Variants in SRSF11 observed in about 807,000 individuals in gnomAD.
The protein encoded by SRSF11 is serine/arginine-rich splicing factor 11.
Under a neutral mutation model 56.0 loss-of-function variants are expected in SRSF11, and 9 were observed. That is an observed-to-expected ratio of 0.16 (90% confidence interval 0.10 to 0.28). The LOEUF (loss-of-function observed/expected upper bound fraction) is 0.28. Among genes scored for constraint, SRSF11 ranks in the 10% least tolerant of loss-of-function variants. The probability of loss-of-function intolerance (pLI) is 1.00; values close to 1 mark genes in which losing one functional copy is unlikely to be tolerated. For synonymous variants in SRSF11, 222 were observed against 215.3 expected (o/e 1.03, Z -0.27); for missense variants, 421 against 600.7 (o/e 0.70, Z 3.13).
At chr1:70,205,833 GTTACTGC>G in intron 1 of SRSF11, 1 of 284,712 alleles carries the variant, frequency 3.5e-6, no homozygotes, top group East Asian at 6.0e-5. Flanking sequence ...TGTTTGCACT[GTTACTGC>G]GACTCCAACC....
upstream of SRSF11, among the ~76,000 whole-genome samples, chr1:70,217,221 C>CA (rs1670090721): frequency 6.6e-6 from 1 of 151,926 alleles, no homozygotes; most frequent in African/African-American, 2.4e-5. Flanking sequence ...TGCAGTGGTG[C>CA]AATCTCAGCT....
chr1:70,235,241 TAGACTGTTC>T, intron 4 of SRSF11, among the ~76,000 whole-genome samples: 1 of 152,312 alleles, frequency 6.6e-6, no homozygotes, highest in East Asian at 1.9e-4. Context: ...CTATAATACC[TAGACTGTTC>T]AGCCTCATAA....
At chr1:70,205,758 C>A (rs978411847) in exon 1 of SRSF11, 1 of 464,410 alleles carries the variant, frequency 2.2e-6, no homozygotes, top group African/African-American at 1.9e-5. Context: ...GCCGGCCTAG[C>A]GTCCTGGAAT....
At chr1:70,245,022 C>T (rs576157396) in intron 8 of SRSF11, among the ~76,000 whole-genome samples, 3 of 152,270 alleles carry the variant, frequency 2.0e-5, no homozygotes, top group Admixed American at 6.5e-5. Context: ...AGCTGAGGGC[C>T]TAAGTAAAAT....
chr1:70,230,915 T>A, intron 2 of SRSF11: 1 of 1,193,284 alleles, frequency 8.4e-7, no homozygotes, highest in East Asian at 5.8e-5. Flanking sequence ...CTAAATGATC[T>A]TCTCCCCCTT....
intron 1 of SRSF11, among the ~76,000 whole-genome samples, chr1:70,225,809 A>T (rs894201583): frequency 7.9e-5 from 12 of 152,162 alleles, no homozygotes; most frequent in African/African-American, 2.7e-4. Flanking sequence ...ACTTTATATT[A>T]ATTCTAAAGA....
At chr1:70,245,480 A>G (rs142670887) in intron 8 of SRSF11, among the ~76,000 whole-genome samples, 44 of 152,342 alleles carry the variant, frequency 2.9e-4, no homozygotes, top group Admixed American at 7.8e-4. Flanking sequence ...AGTGAATCAA[A>G]CAAGGTAGAT....
intron 3 of SRSF11, among the ~76,000 whole-genome samples, chr1:70,233,754 G>A (rs1018925032): frequency 1.3e-5 from 2 of 152,194 alleles, no homozygotes; most frequent in African/African-American, 4.8e-5. Context: ...AAAAGCTACA[G>A]ATGGTTTTAA....
chr1:70,227,456 T>C (rs1017973340), intron 1 of SRSF11, among the ~76,000 whole-genome samples: 1 of 152,138 alleles, frequency 6.6e-6, no homozygotes, highest in African/African-American at 2.4e-5. Flanking sequence ...TTGATTTAAT[T>C]CATGTGAAGA....
intron 1 of SRSF11, among the ~76,000 whole-genome samples, chr1:70,211,784 G>T (rs1438753266): frequency 6.6e-6 from 1 of 151,964 alleles, no homozygotes; most frequent in Non-Finnish European, 1.5e-5. Context: ...TAAATACTTG[G>T]TACCTATGAT....
At chr1:70,242,492 CAG>C (rs1675698211) in intron 7 of SRSF11, among the ~76,000 whole-genome samples, 1 of 103,568 alleles carries the variant, frequency 9.7e-6, no homozygotes, top group South Asian at 4.8e-4. Flanking sequence ...TATGTAGAGA[CAG>C]GGTTTTGCCA....
intron 1 of SRSF11, among the ~76,000 whole-genome samples, chr1:70,225,730 G>A (rs368706293): frequency 3.3e-5 from 5 of 152,028 alleles, no homozygotes; most frequent in South Asian, 4.2e-4. Context: ...CTACACCACC[G>A]CTCTTAGTTG....
At chr1:70,232,485 C>A in intron 3 of SRSF11, 108 bp downstream of exon 3, 2 of 759,308 alleles carry the variant, frequency 2.6e-6, no homozygotes, top group Non-Finnish European at 2.2e-6. Context: ...GTTCAGATAG[C>A]ATTATCACAT....
Position 70,250,774 on chromosome 1 carries a change from A to G in SRSF11, c.1424A>G (p.His475Arg), listed in dbSNP as rs764780935. 1.2e-5 allele frequency: 19 copies of G among 1,613,940 alleles called. No homozygotes were observed. The highest frequency in any genetic ancestry group is 5.3e-5 in the African/African-American group (4 of 74,932). Residue 475 changes from histidine (H) to arginine (R), a missense_variant, in exon 12 of 12, where the codon CAT (histidine) becomes CGT (arginine). His to Arg is a conservative substitution (Grantham distance 29, BLOSUM62 0). Around this residue, in one of 2 missense-constraint regions of SRSF11, gnomAD observed 253 missense variants for 305.8 expected, o/e 0.83. Transcript: ENST00000370949. ...GAATCCAAAGTGAATGGGGATGATC[A>G]TCATGAAGAAGACATGGATATGAGT... ...LRESKVNGDD[H>R]HEEDMDMSD is the part of the protein sequence containing the mutation.
chr1:70,246,477 T>C (rs992801452), intron 8 of SRSF11, among the ~76,000 whole-genome samples: 2 of 151,958 alleles, frequency 1.3e-5, no homozygotes, highest in African/African-American at 4.8e-5. Context: ...GTTGGGAAAG[T>C]GGTAATCAGC....
intron 2 of SRSF11, chr1:70,230,537 A>T: frequency 8.0e-7 from 1 of 1,256,740 alleles, no homozygotes; most frequent in African/African-American, 1.6e-5. Flanking sequence ...TTTTTCTTTC[A>T]TTTCTACACA....
chr1:70,238,385 A>G (rs1463727518), intron 6 of SRSF11, among the ~76,000 whole-genome samples: 1 of 152,190 alleles, frequency 6.6e-6, no homozygotes, highest in Non-Finnish European at 1.5e-5. Flanking sequence ...TTTTACCAAT[A>G]TTTTTATGAA....
At chr1:70,228,398 T>A in intron 1 of SRSF11, 24 bp from the exon 2 acceptor site, 1 of 1,570,814 alleles carries the variant, frequency 6.4e-7, no homozygotes, top group South Asian at 1.1e-5. Flanking sequence ...TGTTTCTCTT[T>A]TATGTTATTT....
chr1:70,230,448 T>G (rs994768388), intron 2 of SRSF11: 1 of 1,185,294 alleles, frequency 8.4e-7, no homozygotes, highest in African/African-American at 1.6e-5. Flanking sequence ...ATAGCTGAAT[T>G]TGGAAGGAAC....
Sources: allele counts gnomAD v4.1 joint callset (sites outside exome capture counted in the v4.1 genomes callset), GRCh38; gene constraint gnomAD v4.1.1; regional missense constraint gnomAD v4.1.1; transcripts MANE v1.5; gene names NCBI Gene and HGNC (gene_info 2026-07-23, HGNC 2026-07-21).